The following DPH6 variants were observed in gnomAD, a reference collection of about 807,000 sequenced individuals.
DPH6 encodes diphthine--ammonia ligase.
Under a neutral mutation model 38.2 loss-of-function variants are expected in DPH6, and 33 were observed. That is an observed-to-expected ratio of 0.86 (90% CI 0.65 to 1.15). DPH6 has a LOEUF of 1.15. DPH6 is among the 50% of genes most tolerant of loss of function. DPH6 has a pLI of 0.00. For synonymous variants in DPH6, 108 were observed against 103.0 expected (o/e 1.05, Z -0.30); for missense variants, 325 against 320.0 (o/e 1.02, Z -0.12).
At chr15:35,441,912 G>A (rs568980550) in intron 5 of DPH6, among the ~76,000 whole-genome samples, 56 of 152,198 alleles carry the variant, frequency 3.7e-4, no homozygotes, top group African/African-American at 1.3e-3. Context: ...CTAAATGTAA[G>A]AGCTAAAAGT....
intron 3 of DPH6, among the ~76,000 whole-genome samples, chr15:35,525,821 C>A (rs1393769772): frequency 2.0e-5 from 3 of 152,090 alleles, no homozygotes; most frequent in Non-Finnish European, 4.4e-5. Flanking sequence ...GCCTGGGTGA[C>A]AGAATAAGAC....
the DPH6 span, among the ~76,000 whole-genome samples, chr15:35,153,299 C>T: frequency 6.6e-6 from 1 of 152,102 alleles, no homozygotes; most frequent in East Asian, 1.9e-4. Flanking sequence ...GACATAAAAA[C>T]ATAAATTTAC....
At chr15:35,343,671 C>A (rs567347554) in intron 3 of DPH6, among the ~76,000 whole-genome samples, 127 of 152,088 alleles carry the variant, frequency 8.4e-4, no homozygotes, top group African/African-American at 2.9e-3. Context: ...TAAAGGCTAA[C>A]TTAACAAATA....
chr15:35,409,481 T>C (rs568232545), intron 6 of DPH6, among the ~76,000 whole-genome samples: 1 of 152,128 alleles, frequency 6.6e-6, no homozygotes, highest in African/African-American at 2.4e-5. Flanking sequence ...ATAATCAACA[T>C]CGTGGTGCTT....
At chr15:35,516,083 T>C (rs189187597) in intron 3 of DPH6, among the ~76,000 whole-genome samples, 1 of 152,236 alleles carries the variant, frequency 6.6e-6, no homozygotes, top group East Asian at 1.9e-4. Context: ...CATACTGAAA[T>C]GCACAAACTT....
intron 2 of DPH6, 25 bp downstream of exon 2, chr15:35,542,388 C>A: frequency 6.6e-7 from 1 of 1,524,606 alleles, no homozygotes; most frequent in Non-Finnish European, 9.0e-7. Flanking sequence ...ATTTAGGCAA[C>A]TTCCCAATAA....
At chr15:35,512,983 TA>T (rs950656620) in intron 3 of DPH6, among the ~76,000 whole-genome samples, 2 of 152,114 alleles carry the variant, frequency 1.3e-5, no homozygotes, top group East Asian at 1.9e-4. Context: ...AGAGAATCAT[TA>T]AAAAAATTAT....
chr15:35,318,651 T>G (rs946912186), intron 3 of DPH6, among the ~76,000 whole-genome samples: 3 of 152,124 alleles, frequency 2.0e-5, no homozygotes, highest in African/African-American at 7.2e-5. Flanking sequence ...AATCAAGAAC[T>G]AAAAACAACA....
intron 3 of DPH6, among the ~76,000 whole-genome samples, chr15:35,320,549 A>T (rs2052231432): frequency 6.6e-6 from 1 of 152,166 alleles, no homozygotes. Flanking sequence ...GTGCTGGTGC[A>T]ATTGTTTTAC....
At chr15:35,262,705 CAAAAAAAAAAAAAAAAAAA>C (rs58580024) in intron 3 of DPH6, among the ~76,000 whole-genome samples, 1 of 82,632 alleles carries the variant, frequency 1.2e-5, no homozygotes, top group African/African-American at 6.4e-5. Flanking sequence ...GACTCCGTCT[CAAAAAAAAAAAAAAAAAAA>C]AAAAAAAAAA....
At chr15:35,412,332 C>A (rs8041062) in intron 5 of DPH6, among the ~76,000 whole-genome samples, 46,498 of 151,428 alleles carry the variant, frequency 0.31, 7,855 homozygotes, top group African/African-American at 0.45. Flanking sequence ...ATCTGGAGAA[C>A]TTACAACACC....
intron 6 of DPH6, among the ~76,000 whole-genome samples, chr15:35,387,447 C>T (rs2052981989): frequency 6.6e-6 from 1 of 152,164 alleles, no homozygotes; most frequent in Non-Finnish European, 1.5e-5. Context: ...TGGCCATTTT[C>T]ACGATATTGA....
intron 6 of DPH6, chr15:35,401,055 T>C: frequency 1.1e-6 from 1 of 892,370 alleles, no homozygotes; most frequent in South Asian, 1.3e-5. Flanking sequence ...CCTAAGAGAT[T>C]ATTTTCAACA....
At chr15:35,193,770 G>C in the DPH6 span, among the ~76,000 whole-genome samples, 1 of 152,072 alleles carries the variant, frequency 6.6e-6, no homozygotes, top group Non-Finnish European at 1.5e-5. Context: ...TATCAAGAAA[G>C]GTTAAATAAT....
At chr15:35,398,054 A>G (rs951796349) in intron 6 of DPH6, among the ~76,000 whole-genome samples, 1 of 152,170 alleles carries the variant, frequency 6.6e-6, no homozygotes, top group Non-Finnish European at 1.5e-5. Flanking sequence ...TAGTCTTGCT[A>G]TACTTTCTGT....
chr15:35,169,307 A>T, the DPH6 span, among the ~76,000 whole-genome samples: 3 of 152,138 alleles, frequency 2.0e-5, no homozygotes, highest in Non-Finnish European at 4.4e-5. Context: ...CATATGTATC[A>T]TTTCCCCAAA....
downstream of DPH6, among the ~76,000 whole-genome samples, chr15:35,214,263 T>C (rs1206346058): frequency 2.6e-5 from 4 of 152,204 alleles, no homozygotes; most frequent in Non-Finnish European, 4.4e-5. Flanking sequence ...GTGATTTTCA[T>C]AGGGCTACTC....
At chr15:35,458,056 T>G (rs551464860) in intron 3 of DPH6, among the ~76,000 whole-genome samples, 2 of 152,326 alleles carry the variant, frequency 1.3e-5, no homozygotes, top group South Asian at 4.1e-4. Context: ...TCCAGATTAC[T>G]TATAATACCC....
At chr15:35,154,916 G>A in the DPH6 span, among the ~76,000 whole-genome samples, 1 of 152,140 alleles carries the variant, frequency 6.6e-6, no homozygotes, top group Non-Finnish European at 1.5e-5. Flanking sequence ...AAAGAGGATA[G>A]CAAAAAATAT....
Sources: allele counts gnomAD v4.1 joint callset (sites outside exome capture counted in the v4.1 genomes callset), GRCh38; gene constraint gnomAD v4.1.1; transcripts MANE v1.5; gene names NCBI Gene and HGNC (gene_info 2026-07-23, HGNC 2026-07-21).